Variants in OSBP observed in about 807,000 individuals in gnomAD.
The protein encoded by OSBP is oxysterol-binding protein 1.
Under a neutral mutation model 96.6 loss-of-function variants are expected in OSBP, and 32 were observed. The observed-to-expected ratio is 0.33, with a 90% CI of 0.25 to 0.45. OSBP has a LOEUF of 0.45. Ranked by LOEUF, OSBP falls within the 20% of genes least tolerant of loss-of-function variation. OSBP has a pLI of 1.00. For missense variants in OSBP, 653 were observed against 1,029.7 expected (o/e 0.63, Z 5.01); for synonymous variants, 369 against 389.6 (o/e 0.95, Z 0.62).
chr11:59,594,294 CA>C (rs776796183), intron 7 of OSBP, 39 bp from the exon 8 acceptor site: 3 of 1,600,800 alleles, frequency 1.9e-6, no homozygotes, highest in Non-Finnish European at 2.6e-6. Flanking sequence ...TATGCTCACT[CA>C]TCTATAAGAG....
At position 59,607,237 on chromosome 11, in the gene OSBP, G is replaced by A. The variant is rs560018197; in HGVS notation, c.822+1247C>T. On this transcript the variant is annotated intron_variant, in intron 3 of 13. Transcript: ENST00000263847. ...TATTTAATTGACTGTATGACTTAAT[G>A]AGGTTTTCCTGATCACAAGGGGACT... 2.0e-5 allele frequency among the ~76,000 whole-genome samples: 3 copies of A among 152,266 alleles called. No individual in the cohort carries two copies. In the East Asian group the frequency reaches 5.8e-4, roughly 29 times the overall value.
In OSBP at chr11:59,574,786, A is replaced by T. The variant is rs1860341400; in HGVS notation, c.*1791T>A. The stretch of plus-strand genomic sequence containing the variant: ...TCACTCCTCTCCCATGTTTATCACA[A>T]CTAGGAAGGAAGGGATAGGGGAAGA... On this transcript the variant is annotated 3_prime_UTR_variant, in exon 14 of 14. Transcript: ENST00000263847. 1 of 152,642 alleles carries T rather than the reference A, an allele frequency of 6.6e-6. No homozygotes were observed. The highest frequency in any genetic ancestry group is 1.9e-4 in the East Asian group (1 of 5,198). 9.5% of individuals were successfully genotyped at this position (152,642 alleles called of 1,614,324 possible). A position where few individuals can be genotyped will look rare whatever the true frequency, so the allele number is the denominator to read the frequency against.
intron 9 of OSBP, among the ~76,000 whole-genome samples, chr11:59,585,044 T>C (rs959523114): frequency 6.6e-6 from 1 of 152,116 alleles, no homozygotes; most frequent in African/African-American, 2.4e-5. Context: ...TTACAGCCTC[T>C]GCCCGGCCGC....
intron 4 of OSBP, 98 bp downstream of exon 4, chr11:59,601,542 T>G: frequency 1.7e-6 from 2 of 1,186,888 alleles, no homozygotes; most frequent in Non-Finnish European, 2.5e-6. Context: ...CCATTTCACA[T>G]GACTCATTGA....
chr11:59,591,730 C>T (rs1384515227), intron 9 of OSBP, among the ~76,000 whole-genome samples: 1 of 151,760 alleles, frequency 6.6e-6, no homozygotes, highest in Non-Finnish European at 1.5e-5. Flanking sequence ...AAGCAATTCT[C>T]CTGCCTCAGC....
rs1860832490 is a variant in OSBP at position 59,610,689 on chromosome 11, ACAGT to A, written c.363-104_363-101del. 4.2e-6 allele frequency: 4 copies of A among 960,148 alleles called. No individual in the cohort carries two copies. In the Admixed American group the frequency reaches 8.0e-5, roughly 19 times the overall value. The allele number at this position is 960,148 out of a possible 1,614,324, so 59.5% of individuals were successfully genotyped here. A position where few individuals can be genotyped will look rare whatever the true frequency, so the allele number is the denominator to read the frequency against. On this transcript the variant is annotated intron_variant, in intron 1 of 13. Transcript: ENST00000263847. The stretch of plus-strand genomic sequence containing the variant: ...TAACTCTGAGCTCCCTGAAAATATG[ACAGT>A]CTTAGGAATCAGCAAGTTCTAGTCC...
chr11:59,594,184 G>A lies in OSBP; in HGVS notation c.1383C>T (p.Asp461=), dbSNP rs745510303. 1.2e-6 allele frequency: 2 copies of A among 1,614,170 alleles called. No homozygotes were observed. Among genetic ancestry groups the A allele is most frequent in the Admixed American group, 3.3e-5 (2 of 60,018 alleles). ...TEDLEYHELL[D]RAAKCENSLE... ...GAGAATTCTCACATTTTGCAGCTCG[G>A]TCTAACAGCTCATGGTATTCCAGAT... Residue 461 remains aspartate, a synonymous_variant, in exon 8 of 14, where the codon GAC becomes GAT. Transcript: ENST00000263847.
intron 1 of OSBP, 101 bp from the exon 2 acceptor site, chr11:59,610,690 C>CA (rs1860832555): frequency 1.1e-6 from 1 of 948,132 alleles, no homozygotes; most frequent in East Asian, 2.6e-5. Context: ...GAAAATATGA[C>CA]AGTCTTAGGA....
At chr11:59,594,298 TA>T (rs759824460) in intron 7 of OSBP, 43 bp from the exon 8 acceptor site, 15 of 1,585,160 alleles carry the variant, frequency 9.5e-6, no homozygotes, top group Non-Finnish European at 1.2e-5. Context: ...CTCACTCATC[TA>T]TAAGAGACAG....
intron 3 of OSBP, among the ~76,000 whole-genome samples, chr11:59,606,816 T>C (rs1860785968): frequency 1.3e-5 from 2 of 152,218 alleles, no homozygotes; most frequent in Admixed American, 1.3e-4. Flanking sequence ...GCTAGTATCA[T>C]ACTAAAAGGT....
intron 11 of OSBP, among the ~76,000 whole-genome samples, chr11:59,579,865 C>T (rs1393542194): frequency 6.6e-6 from 1 of 151,768 alleles, no homozygotes; most frequent in Non-Finnish European, 1.5e-5. Context: ...GCACGCGCCA[C>T]CACACCCAGC....
At chr11:59,589,514 T>C (rs942067116) in intron 9 of OSBP, among the ~76,000 whole-genome samples, 3 of 150,932 alleles carry the variant, frequency 2.0e-5, no homozygotes, top group Non-Finnish European at 4.4e-5. Flanking sequence ...GGCAGGAGAA[T>C]TGCATGAGCC....
chr11:59,578,524 C>T (rs2134650254), intron 11 of OSBP, among the ~76,000 whole-genome samples, 194 bp from the exon 12 acceptor site: 1 of 152,264 alleles, frequency 6.6e-6, no homozygotes, highest in Non-Finnish European at 1.5e-5. Context: ...AATCGTAGCT[C>T]ACTGTGGCCT....
chr11:59,585,545 G>A (rs1315031832), intron 9 of OSBP, among the ~76,000 whole-genome samples: 1 of 150,736 alleles, frequency 6.6e-6, no homozygotes, highest in Non-Finnish European at 1.5e-5. Context: ...AGGGAGGTTG[G>A]GGGGGTCAGC....
chr11:59,601,152 T>C (rs544555068), intron 5 of OSBP, 131 bp downstream of exon 5: 101 of 559,832 alleles, frequency 1.8e-4, no homozygotes, highest in Non-Finnish European at 2.7e-4. Flanking sequence ...GGGCCCAGAT[T>C]CAATATTGAC....
chr11:59,609,499 A>G (rs1255429545), intron 2 of OSBP, among the ~76,000 whole-genome samples: 1 of 152,040 alleles, frequency 6.6e-6, no homozygotes. Context: ...AAAAAAAAAA[A>G]AGACAAAAGA....
In OSBP at chr11:59,578,196, A is replaced by G. The variant is rs748380005; in HGVS notation, c.2013T>C (p.His671=). The change falls in exon 12 of 14, where the codon CAT becomes CAC. Residue 671 remains histidine, a synonymous_variant. Coordinates refer to ENST00000263847, the MANE Select transcript of OSBP (RefSeq NM_002556.3). ...GCATGACCCTGCTTTCCTCTGCTTC[A>G]TGGCCTCTCTGTCGAGCATCACCCC... ...ENGGDARQRG[H]EAEESRVMLW... The G allele has an allele frequency of 1.2e-6, 2 of 1,614,158 alleles. No individual in the cohort carries two copies. The highest frequency in any genetic ancestry group is 2.2e-5 in the South Asian group (2 of 91,082).
rs993922626 is a variant in OSBP at position 59,575,227 on chromosome 11, GAA to G, written c.*1348_*1349del. The G allele has an allele frequency of 2.0e-5, 3 of 152,216 alleles. No homozygotes were observed. Among genetic ancestry groups the G allele is most frequent in the Non-Finnish European group, 4.4e-5 (3 of 68,042 alleles). The allele number at this position is 152,216 out of a possible 1,614,324, so 9.4% of individuals were successfully genotyped here. The stretch of plus-strand genomic sequence containing the variant: ...CCCACACTCTTCCTGAAAAGAGAAA[GAA>G]AAGAGGCAGGAAAGAGGTTAGGATT... On this transcript the variant is annotated 3_prime_UTR_variant, in exon 14 of 14. Transcript: ENST00000263847.
chr11:59,593,791 G>C (rs1860614623), intron 8 of OSBP, 67 bp from the exon 9 acceptor site: 1 of 1,594,540 alleles, frequency 6.3e-7, no homozygotes, highest in Non-Finnish European at 8.6e-7. Context: ...CTATAAATTG[G>C]TGAGAAACAC....
Sources: allele counts gnomAD v4.1 joint callset (sites outside exome capture counted in the v4.1 genomes callset), GRCh38; gene constraint gnomAD v4.1.1; transcripts MANE v1.5; gene names NCBI Gene and HGNC (gene_info 2026-07-23, HGNC 2026-07-21).